The following ZNF423 variants were observed in gnomAD, a reference collection of about 807,000 sequenced individuals.
ZNF423 encodes the protein zinc finger protein 423.
ZNF423 carries 12 observed loss-of-function variants against 95.8 expected under a neutral mutation model. That is an observed-to-expected ratio of 0.13 (90% CI 0.08 to 0.20). The LOEUF (loss-of-function observed/expected upper bound fraction) is 0.20, where lower values mean the gene tolerates loss of function less well. Ranked by LOEUF, ZNF423 falls within the 10% of genes least tolerant of loss-of-function variation. The pLI, the probability that ZNF423 is intolerant of heterozygous loss-of-function variation, is 1.00. For missense variants in ZNF423, 1,316 were observed against 1,737.1 expected (o/e 0.76, Z 4.31); for synonymous variants, 749 against 711.9 (o/e 1.05, Z -0.83).
chr16:49,815,866 CAAACAA>C (rs72091478), intron 1 of ZNF423, among the ~76,000 whole-genome samples: 4,165 of 56,408 alleles, frequency 0.074, 146 homozygotes, highest in South Asian at 0.11. Context: ...TAATTCCAAA[CAAACAA>C]AAAAAAAAAA....
intron 1 of ZNF423, among the ~76,000 whole-genome samples, chr16:49,807,159 C>T (rs2034677259): frequency 1.3e-5 from 2 of 152,004 alleles, no homozygotes; most frequent in Admixed American, 6.5e-5. Flanking sequence ...AGGCCGGGGG[C>T]GGTGGCTCAC....
At chr16:49,719,223 G>A (rs1010653855) in intron 3 of ZNF423, among the ~76,000 whole-genome samples, 1 of 152,168 alleles carries the variant, frequency 6.6e-6, no homozygotes, top group African/African-American at 2.4e-5. Context: ...GGATAAGGAG[G>A]GCAGGAAGTG....
intron 1 of ZNF423, among the ~76,000 whole-genome samples, chr16:49,797,504 C>A (rs11076500): frequency 0.021 from 3,204 of 152,316 alleles, 36 homozygotes; most frequent in Non-Finnish European, 0.031. Flanking sequence ...ACAAACCCAA[C>A]GAGGAAGCCC....
intron 3 of ZNF423, among the ~76,000 whole-genome samples, chr16:49,677,779 A>T (rs1018418735): frequency 6.6e-6 from 1 of 151,300 alleles, no homozygotes; most frequent in African/African-American, 2.4e-5. Flanking sequence ...AGAGAGAGAG[A>T]GAGAGAGAAT....
chr16:49,529,530 G>A (rs1295754804), intron 5 of ZNF423, among the ~76,000 whole-genome samples: 1 of 152,198 alleles, frequency 6.6e-6, no homozygotes, highest in African/African-American at 2.4e-5. Context: ...CAGCCCAAAA[G>A]AGGAGCAGAG....
rs1009262002 is a variant in ZNF423, at chr16:49,499,621, C to T, written c.3850-8317G>A. 3.3e-5 allele frequency among the ~76,000 whole-genome samples: 5 copies of T among 152,184 alleles called. No homozygotes were observed. In the East Asian group the frequency reaches 7.7e-4, roughly 23 times the overall value. ...CGTGTTCTTGAGATGCTCTATGGAG[C>T]CGAGGCGGGGAGGAGGGTGCCCCCC... is the stretch of plus-strand genomic sequence containing the variant. On this transcript the variant is annotated intron_variant, in intron 7 of 7. Coordinates refer to ENST00000563137, the MANE Select transcript of ZNF423 (RefSeq NM_001379286.1).
intron 1 of ZNF423, among the ~76,000 whole-genome samples, chr16:49,814,145 G>T (rs552548697): frequency 1.8e-4 from 27 of 152,306 alleles, no homozygotes; most frequent in Admixed American, 8.5e-4. Flanking sequence ...GGGCTTCGGA[G>T]ACAGAAGGCC....
At chr16:49,582,796 G>C (rs1184355237) in intron 5 of ZNF423, among the ~76,000 whole-genome samples, 1 of 152,046 alleles carries the variant, frequency 6.6e-6, no homozygotes, top group Non-Finnish European at 1.5e-5. Context: ...AACCTATGTT[G>C]ATGAAAAAAA....
At chr16:49,572,973 A>G (rs1354667394) in intron 5 of ZNF423, among the ~76,000 whole-genome samples, 1 of 152,228 alleles carries the variant, frequency 6.6e-6, no homozygotes, top group African/African-American at 2.4e-5. Context: ...TAGTACATGT[A>G]GGCTCTCCAT....
At chr16:49,493,256 C>A (rs1422893603) in intron 7 of ZNF423, among the ~76,000 whole-genome samples, 1 of 152,176 alleles carries the variant, frequency 6.6e-6, no homozygotes, top group Non-Finnish European at 1.5e-5. Context: ...TCCCTCCCAA[C>A]CAAGCTGCTC....
chr16:49,624,377 C>T (rs1043295813), intron 5 of ZNF423, among the ~76,000 whole-genome samples: 1 of 152,024 alleles, frequency 6.6e-6, no homozygotes, highest in African/African-American at 2.4e-5. Context: ...ATAGTGAAAC[C>T]CTGTCTCTAC....
At chr16:49,569,200 G>A (rs1970286616) in intron 5 of ZNF423, among the ~76,000 whole-genome samples, 2 of 152,130 alleles carry the variant, frequency 1.3e-5, no homozygotes, top group African/African-American at 4.8e-5. Flanking sequence ...CTTCTAACCA[G>A]TTTCCCCCCT....
chr16:49,569,182 A>G (rs1440143737), intron 5 of ZNF423, among the ~76,000 whole-genome samples: 1 of 152,170 alleles, frequency 6.6e-6, no homozygotes, highest in Non-Finnish European at 1.5e-5. Flanking sequence ...CTCCTGGATG[A>G]CAAAATCCTT....
At chr16:49,532,085 A>T (rs1028687962) in intron 5 of ZNF423, among the ~76,000 whole-genome samples, 3 of 152,198 alleles carry the variant, frequency 2.0e-5, no homozygotes, top group Non-Finnish European at 4.4e-5. Context: ...ATGTGGAAGG[A>T]TCTCTTAAAA....
At chr16:49,663,614 G>A (rs958393040) in intron 3 of ZNF423, among the ~76,000 whole-genome samples, 2 of 152,204 alleles carry the variant, frequency 1.3e-5, no homozygotes, top group African/African-American at 4.8e-5. Context: ...GGACAGACAT[G>A]AGGCTTCAGG....
intron 5 of ZNF423, among the ~76,000 whole-genome samples, chr16:49,550,617 C>A (rs548322730): frequency 1.3e-4 from 20 of 152,380 alleles, no homozygotes; most frequent in Admixed American, 4.6e-4. Context: ...CTTTCCTGGG[C>A]CTACTCAGTG....
chr16:49,834,554 G>C (rs553082769), intron 1 of ZNF423, among the ~76,000 whole-genome samples: 2 of 152,168 alleles, frequency 1.3e-5, no homozygotes. Context: ...TGGGAAGCAC[G>C]CTCGCCAAGG....
At chr16:49,816,748 C>T (rs1382247184) in intron 1 of ZNF423, among the ~76,000 whole-genome samples, 1 of 152,084 alleles carries the variant, frequency 6.6e-6, no homozygotes, top group African/African-American at 2.4e-5. Flanking sequence ...CATGCCACTG[C>T]ACTCCAGCCT....
chr16:49,563,150 A>T (rs938984537), intron 5 of ZNF423, among the ~76,000 whole-genome samples: 2 of 152,178 alleles, frequency 1.3e-5, no homozygotes, highest in East Asian at 1.9e-4. Context: ...CTCATGTTCA[A>T]ATCTAATCCC....
Sources: gnomAD v4.1 joint callset for allele counts (sites outside exome capture counted in the v4.1 genomes callset) on GRCh38, gnomAD v4.1.1 for gene constraint, MANE v1.5 for transcripts, NCBI Gene and HGNC (gene_info 2026-07-23, HGNC 2026-07-21) for gene names.